The following SLC6A18 variants were observed in gnomAD, a reference collection of about 807,000 sequenced individuals.
SLC6A18 encodes solute carrier family 6 member 18.
SLC6A18 carries 58 observed loss-of-function variants against 62.9 expected under a neutral mutation model. The ratio of observed to expected loss-of-function variants is 0.92; its 90% CI spans 0.75 to 1.15. The LOEUF (loss-of-function observed/expected upper bound fraction) is 1.15, where lower values mean the gene tolerates loss of function less well. Among genes scored for constraint, SLC6A18 ranks in the 50% most tolerant of loss-of-function variants. The pLI, the probability that SLC6A18 is intolerant of heterozygous loss-of-function variation, is 0.00. For synonymous variants in SLC6A18, 382 were observed against 365.8 expected, an observed-to-expected ratio of 1.04 and a Z score of -0.51; for missense variants, 793 against 836.6, an observed-to-expected ratio of 0.95 and a Z score of 0.64.
At chr5:1,242,243 G>C (rs1021992134) in intron 7 of SLC6A18, among the ~76,000 whole-genome samples, 1 of 152,210 alleles carries the variant, frequency 6.6e-6, no homozygotes, top group Admixed American at 6.5e-5. Context: ...CCAAACCCAG[G>C]GGGGTAGAGA....
rs748211910 is a variant in SLC6A18 at position 1,238,024 on chromosome 5, G to T, written c.696G>T (p.Gly232=). 4 of 1,614,168 alleles carry T rather than the reference G, an allele frequency of 2.5e-6. No individual in the cohort carries two copies. Reference sequence around the variant, plus strand: ...TCATCAGAGGGCTGACCCTGCCAGGGGCAACAAAAGGACTCATCTACTTGT... The same window carrying T: ...TCATCAGAGGGCTGACCCTGCCAGGTGCAACAAAAGGACTCATCTACTTGT... The part of the protein sequence containing the change: ...IFLIRGLTLP[G]ATKGLIYLFT... The change falls in exon 5 of 12, where the codon GGG becomes GGT. Residue 232 remains glycine, a synonymous_variant. Transcript: ENST00000324642.
In SLC6A18 at chr5:1,232,868, C is replaced by G. The variant is rs577551427; in HGVS notation, c.419C>G (p.Pro140Arg). Residue 140 changes from proline to arginine, a missense_variant, in exon 3 of 12, where the codon CCA becomes CGA. Pro to Arg is a moderately radical substitution (Grantham distance 103). Coordinates refer to ENST00000324642, the MANE Select transcript of SLC6A18 (RefSeq NM_182632.3). ...FQHPLPWSSC[P>R]PDLNRTGFVE... ...CACCCGCTGCCCTGGAGCTCCTGCC[C>G]ACCGGACCTCAACAGAACAGGTGAG... 6.2e-7 allele frequency: 1 copy of G among 1,612,532 alleles called. No homozygotes were observed. Among genetic ancestry groups the G allele is most frequent in the South Asian group, 1.1e-5 (1 of 90,924 alleles).
chr5:1,244,070 G>A, intron 9 of SLC6A18, 144 bp from the exon 10 acceptor site: 1 of 683,078 alleles, frequency 1.5e-6, no homozygotes, highest in Non-Finnish European at 2.5e-6. Context: ...TGGAGGGTGG[G>A]AAGCCGAGAG....
At chr5:1,226,078 C>T (rs112235080) in intron 1 of SLC6A18, among the ~76,000 whole-genome samples, 25 of 152,354 alleles carry the variant, frequency 1.6e-4, no homozygotes, top group African/African-American at 5.3e-4. Context: ...TGCCCTTCTC[C>T]GAGGTTCTTT....
chr5:1,227,134 C>T (rs1352031757), intron 1 of SLC6A18, among the ~76,000 whole-genome samples: 1 of 126,156 alleles, frequency 7.9e-6, no homozygotes, highest in South Asian at 2.6e-4. Flanking sequence ...CCCGTCGATG[C>T]CTTGCCCGCC....
chr5:1,232,852 C>A lies in SLC6A18; in HGVS notation c.403C>A (p.Pro135Thr). 6.2e-7 allele frequency: 1 copy of A among 1,613,032 alleles called. No homozygotes were observed. The highest frequency in any genetic ancestry group is 1.3e-5 in the African/African-American group (1 of 75,022). The change falls in exon 3 of 12, where the codon CCC becomes ACC. Residue 135 changes from proline (P) to threonine (T), a missense_variant. Pro to Thr is a conservative substitution (Grantham distance 38). Transcript: ENST00000324642. Reference protein sequence around the residue: ...YLLNSFQHPLPWSSCPPDLNR... With the variant: ...YLLNSFQHPLTWSSCPPDLNR... ...CCTCAACTCCTTCCAGCACCCGCTG[C>A]CCTGGAGCTCCTGCCCACCGGACCT...
rs1401862230 is a variant in SLC6A18 at position 1,244,269 on chromosome 5, G to C, written c.1392G>C (p.Gly464=). The stretch of plus-strand genomic sequence containing the variant: ...CCACCTGCTTCACGCTGCAGTCTGG[G>C]AACTACTGGCTGGAGATTTTCGACA... ...LSATCFTLQS[G]NYWLEIFDNF... is the part of the protein sequence containing the mutation. The change falls in exon 10 of 12, where the codon GGG becomes GGC. Residue 464 remains glycine (G), a synonymous_variant. Coordinates refer to ENST00000324642, the MANE Select transcript of SLC6A18 (RefSeq NM_182632.3). 2 of 1,614,060 alleles carry C rather than the reference G, an allele frequency of 1.2e-6. No homozygotes were observed. Among genetic ancestry groups the C allele is most frequent in the South Asian group, 1.1e-5 (1 of 91,074 alleles).
At chr5:1,228,267 G>A (rs1270257916) in intron 1 of SLC6A18, among the ~76,000 whole-genome samples, 4 of 152,164 alleles carry the variant, frequency 2.6e-5, no homozygotes, top group African/African-American at 9.7e-5. Flanking sequence ...CCACCTTGAC[G>A]GCCTTCACGC....
intron 4 of SLC6A18, 92 bp downstream of exon 4, chr5:1,235,754 C>T (rs1746868927): frequency 1.5e-6 from 2 of 1,335,918 alleles, no homozygotes; most frequent in East Asian, 2.3e-5. Flanking sequence ...TGTCTACAAG[C>T]TCTTGCGAGG....
Position 1,225,708 on chromosome 5 carries a change from C to T in SLC6A18, c.160+71C>T, listed in dbSNP as rs895783005. ...GCCGTCTCCACCCTGACCTGCCAGG[C>T]GCCTGCCACGCATCCCCAGTGCTTG... is the stretch of plus-strand genomic sequence containing the variant. On this transcript the variant is annotated intron_variant, in intron 1 of 11. Transcript: ENST00000324642. The T allele has an allele frequency of 5.4e-5, 79 of 1,469,110 alleles. No individual in the cohort carries two copies. In the African/African-American group the frequency reaches 7.1e-4, roughly 13 times the overall value. 91.0% of individuals were successfully genotyped at this position (1,469,110 alleles called of 1,614,324 possible). A position where few individuals can be genotyped will look rare whatever the true frequency, so the allele number is the denominator to read the frequency against.
At chr5:1,232,718 C>G in intron 2 of SLC6A18, 33 bp from the exon 3 acceptor site, 3 of 1,576,100 alleles carry the variant, frequency 1.9e-6, no homozygotes, top group Non-Finnish European at 2.6e-6. Context: ...GGGAAGGAGC[C>G]CCGGGGCCAC....
Position 1,235,588 on chromosome 5 carries a change from C to T in SLC6A18, c.547C>T (p.Leu183=), listed in dbSNP as rs775661465. 2.5e-6 allele frequency: 4 copies of T among 1,614,018 alleles called. No individual in the cohort carries two copies. In the South Asian group the frequency reaches 3.3e-5, roughly 13 times the overall value. Residue 183 remains leucine (L), a synonymous_variant, in exon 4 of 12, where the codon CTG becomes TTG. Transcript: ENST00000324642. ...TGACAGTGGCTCCATCCAGTGGTGG[C>T]TGCTCATCTGCTTGGCAGCCTCCTG... is the stretch of plus-strand genomic sequence containing the variant. The part of the protein sequence containing the change: ...INDSGSIQWW[L]LICLAASWAV...
rs1449069093 is a variant in SLC6A18 at position 1,238,578 on chromosome 5, AGGT to A, written c.732+519_732+521del. Reference sequence around the variant, plus strand: ...GAGTGAGCTTGGGGCCTCAGGAAAGAGGTCAGGTTTGGAGTGAGCCAGGGGCCT... The same window carrying A: ...GAGTGAGCTTGGGGCCTCAGGAAAGACAGGTTTGGAGTGAGCCAGGGGCCT... On this transcript the variant is annotated intron_variant, in intron 5 of 11. Coordinates refer to ENST00000324642, the MANE Select transcript of SLC6A18 (RefSeq NM_182632.3). Among the ~76,000 whole-genome samples, 47 of 36,772 alleles carry A rather than the reference AGGT, an allele frequency of 1.3e-3. 4 individuals are homozygous for A. Among genetic ancestry groups the A allele is most frequent in the African/African-American group, 2.7e-3 (8 of 2,914 alleles). 24.1% of individuals were successfully genotyped at this position (36,772 alleles called of 152,430 possible). A position where few individuals can be genotyped will look rare whatever the true frequency, so the allele number is the denominator to read the frequency against.
intron 3 of SLC6A18, among the ~76,000 whole-genome samples, chr5:1,234,831 G>A (rs1746842915): frequency 6.6e-6 from 1 of 152,212 alleles, no homozygotes; most frequent in African/African-American, 2.4e-5. Context: ...ACAGTGTGGA[G>A]GGAGGAGCCC....
At chr5:1,232,942 T>G (rs1746772951) in intron 3 of SLC6A18, 54 bp downstream of exon 3, 1 of 1,551,970 alleles carries the variant, frequency 6.4e-7, no homozygotes, top group Non-Finnish European at 8.7e-7. Flanking sequence ...GAGAGGCATG[T>G]GCTGCAGCGT....
At chr5:1,236,558 C>T (rs141816328) in intron 4 of SLC6A18, among the ~76,000 whole-genome samples, 2 of 152,208 alleles carry the variant, frequency 1.3e-5, no homozygotes, top group African/African-American at 4.8e-5. Context: ...TGCCTGGACC[C>T]CTCAAGCAAG....
chr5:1,240,728 T>A, intron 7 of SLC6A18, 69 bp downstream of exon 7: 1 of 1,596,272 alleles, frequency 6.3e-7, no homozygotes, highest in Non-Finnish European at 8.5e-7. Flanking sequence ...GCACCGAGAA[T>A]CCCAAGGCAT....
At chr5:1,233,979 G>T (rs1033552355) in intron 3 of SLC6A18, among the ~76,000 whole-genome samples, 3 of 152,124 alleles carry the variant, frequency 2.0e-5, no homozygotes, top group Non-Finnish European at 2.9e-5. Flanking sequence ...CTGACCTCGT[G>T]ATCCGCCTGC....
intron 1 of SLC6A18, among the ~76,000 whole-genome samples, chr5:1,226,113 C>T (rs1579522687): frequency 1.3e-5 from 2 of 152,214 alleles, no homozygotes; most frequent in African/African-American, 2.4e-5. Flanking sequence ...GCCCACCCCT[C>T]GCCTCCCTGG....
Sources: allele counts gnomAD v4.1 joint callset (sites outside exome capture counted in the v4.1 genomes callset), GRCh38; gene constraint gnomAD v4.1.1; transcripts MANE v1.5; gene names NCBI Gene and HGNC (gene_info 2026-07-23, HGNC 2026-07-21).